The following UBTD2 variants were observed in gnomAD, a reference collection of about 807,000 sequenced individuals.
UBTD2 encodes the protein ubiquitin domain-containing protein 2.
Under a neutral mutation model 19.8 loss-of-function variants are expected in UBTD2, and 9 were observed. The observed-to-expected ratio is 0.46, with a 90% confidence interval of 0.27 to 0.79. UBTD2 has a LOEUF of 0.79. UBTD2 is among the 30% of genes least tolerant of loss of function. The probability of loss-of-function intolerance (pLI) is 0.14; values close to 1 mark genes in which losing one functional copy is unlikely to be tolerated. For synonymous variants in UBTD2, 98 were observed against 103.9 expected, an observed-to-expected ratio of 0.94 and a Z score of 0.35; for missense variants, 250 against 300.4, an observed-to-expected ratio of 0.83 and a Z score of 1.24.
At chr5:172,258,520 T>TA (rs1473571112) in intron 1 of UBTD2, among the ~76,000 whole-genome samples, 1 of 152,200 alleles carries the variant, frequency 6.6e-6, no homozygotes, top group Non-Finnish European at 1.5e-5. Flanking sequence ...TGAAAAATGT[T>TA]ATAGTTTGAC....
intron 1 of UBTD2, among the ~76,000 whole-genome samples, chr5:172,279,462 T>C (rs1443067442): frequency 6.6e-6 from 1 of 152,204 alleles, no homozygotes; most frequent in Non-Finnish European, 1.5e-5. Flanking sequence ...AACTCCATGA[T>C]GTTCTCAAGA....
chr5:172,267,039 T>TAAAAAAAA (rs34544452), intron 1 of UBTD2, among the ~76,000 whole-genome samples: 6 of 119,332 alleles, frequency 5.0e-5, no homozygotes, highest in African/African-American at 1.3e-4. Flanking sequence ...AGCCTCTCTT[T>TAAAAAAAA]AAAAAAAAAA....
At chr5:172,257,157 G>A (rs1755170790) in intron 1 of UBTD2, among the ~76,000 whole-genome samples, 1 of 152,114 alleles carries the variant, frequency 6.6e-6, no homozygotes, top group East Asian at 1.9e-4. Context: ...TGCCCTCAAG[G>A]AGGTCCCAGT....
At chr5:172,229,368 G>A (rs1771843184) in intron 2 of UBTD2, among the ~76,000 whole-genome samples, 2 of 151,954 alleles carry the variant, frequency 1.3e-5, no homozygotes. Context: ...AGGCATGGTG[G>A]CGGGCACCTG....
In UBTD2 at chr5:172,224,298, C is replaced by CTTTTTT. The variant is rs35105814; in HGVS notation, c.307+9818_307+9823dup. ...TCATGAGATCTGATGTTTTTCATTT[C>CTTTTTT]TTTTTTTTTTTTTTTTTTTGAGACA... is the stretch of plus-strand genomic sequence containing the variant. On this transcript the variant is annotated intron_variant, in intron 2 of 2. Coordinates refer to ENST00000393792, the MANE Select transcript of UBTD2 (RefSeq NM_152277.3). 2.5e-4 allele frequency among the ~76,000 whole-genome samples: 31 copies of CTTTTTT among 121,614 alleles called. 1 individual carries two copies. Among genetic ancestry groups the CTTTTTT allele is most frequent in the African/African-American group, 3.1e-4 (10 of 32,254 alleles). 79.8% of individuals were successfully genotyped at this position (121,614 alleles called of 152,430 possible).
chr5:172,250,026 C>T (rs1322852832), intron 1 of UBTD2, among the ~76,000 whole-genome samples: 3 of 152,070 alleles, frequency 2.0e-5, no homozygotes, highest in Admixed American at 6.5e-5. Flanking sequence ...AGTTCGAGAC[C>T]AGCCTGGCAA....
At chr5:172,219,690 A>G (rs1483232435) in intron 2 of UBTD2, among the ~76,000 whole-genome samples, 2 of 152,228 alleles carry the variant, frequency 1.3e-5, no homozygotes. Flanking sequence ...TGCTGTTGCT[A>G]AGATCTAAGA....
At chr5:172,245,185 T>C (rs764629964) in intron 1 of UBTD2, among the ~76,000 whole-genome samples, 1 of 152,218 alleles carries the variant, frequency 6.6e-6, no homozygotes, top group Non-Finnish European at 1.5e-5. Context: ...CACTTTATTA[T>C]TGCCACTTTA....
intron 1 of UBTD2, among the ~76,000 whole-genome samples, chr5:172,267,600 A>T (rs1755402455): frequency 6.6e-6 from 1 of 152,228 alleles, no homozygotes; most frequent in African/African-American, 2.4e-5. Context: ...GCTTGACATG[A>T]CGTGTTTAAC....
intron 1 of UBTD2, among the ~76,000 whole-genome samples, chr5:172,248,051 A>G (rs1180048971): frequency 1.3e-5 from 2 of 152,206 alleles, no homozygotes; most frequent in Non-Finnish European, 2.9e-5. Context: ...AAAAACTAAT[A>G]CACTCATACA....
At chr5:172,270,133 G>A (rs1020047415) in intron 1 of UBTD2, among the ~76,000 whole-genome samples, 7 of 151,250 alleles carry the variant, frequency 4.6e-5, no homozygotes, top group Admixed American at 2.6e-4. Flanking sequence ...AGGCTGGAGT[G>A]CAGTGGCACA....
In UBTD2 at chr5:172,212,375, C is replaced by T. The variant is rs1362797850; in HGVS notation, c.308-148G>A. ...AGCTGATCATCAATGATTATCAAAT[C>T]CCATGCCCAATTATTTGAGTATTTA... On this transcript the variant is annotated intron_variant, in intron 2 of 2. Coordinates refer to ENST00000393792, the MANE Select transcript of UBTD2 (RefSeq NM_152277.3). 7 of 852,822 alleles carry T rather than the reference C, an allele frequency of 8.2e-6. No homozygotes were observed. In the South Asian group the frequency reaches 1.5e-4, roughly 19 times the overall value. The allele number at this position is 852,822 out of a possible 1,614,324, so 52.8% of individuals were successfully genotyped here. A position where few individuals can be genotyped will look rare whatever the true frequency, so the allele number is the denominator to read the frequency against.
intron 1 of UBTD2, chr5:172,255,151 A>T (rs1755111956): frequency 4.3e-6 from 2 of 464,952 alleles, no homozygotes; most frequent in Non-Finnish European, 4.2e-6. Context: ...AGGCATGCTC[A>T]ACCCAGGCGA....
chr5:172,280,373 G>A (rs1471764113), intron 1 of UBTD2, among the ~76,000 whole-genome samples: 1 of 152,038 alleles, frequency 6.6e-6, no homozygotes, highest in Non-Finnish European at 1.5e-5. Flanking sequence ...AGCTGGGCAT[G>A]GTGGTGGGCA....
rs1491468464 is a variant in UBTD2, at chr5:172,209,670, T to TTA, written c.*2159_*2160insTA. The TTA allele has an allele frequency of 4.6e-5, 6 of 131,864 alleles. No homozygotes were observed. Among genetic ancestry groups the TTA allele is most frequent in the African/African-American group, 1.7e-4 (6 of 36,218 alleles). The allele number at this position is 131,864 out of a possible 1,614,324, so 8.2% of individuals were successfully genotyped here. A position where few individuals can be genotyped will look rare whatever the true frequency, so the allele number is the denominator to read the frequency against. On this transcript the variant is annotated 3_prime_UTR_variant, in exon 3 of 3. Transcript: ENST00000393792. ...AAAAATTGAACCTTTTTTTTTTTTTTAAAAAAAGCACATAAACCCTACATA... is the reference window on the plus strand; with the variant it reads ...AAAAATTGAACCTTTTTTTTTTTTTTTAAAAAAAAGCACATAAACCCTACATA...
chr5:172,234,101 C>G (rs1259325226), intron 2 of UBTD2, 21 bp downstream of exon 2: 1 of 1,610,318 alleles, frequency 6.2e-7, no homozygotes, highest in Admixed American at 1.7e-5. Flanking sequence ...TTCCTCTGTC[C>G]TTGAGGAACA....
chr5:172,282,958 G>A (rs749189305), intron 1 of UBTD2, among the ~76,000 whole-genome samples: 1 of 152,046 alleles, frequency 6.6e-6, no homozygotes, highest in African/African-American at 2.4e-5. Context: ...ACAGCACACC[G>A]GCCTAACACC....
At position 172,210,942 on chromosome 5, in the gene UBTD2, A is replaced by G. The variant is rs891801254; in HGVS notation, c.*888T>C. ...ATGCATTTGGGGGTTATACTTAGCT[A>G]TGAAAAGTTCCAAGCAGAATAGATA... On this transcript the variant is annotated 3_prime_UTR_variant, in exon 3 of 3. Coordinates refer to ENST00000393792, the MANE Select transcript of UBTD2 (RefSeq NM_152277.3). 6.6e-6 allele frequency: 1 copy of G among 152,134 alleles called. No individual in the cohort carries two copies. Among genetic ancestry groups the G allele is most frequent in the Admixed American group, 6.6e-5 (1 of 15,250 alleles). 9.4% of individuals were successfully genotyped at this position (152,134 alleles called of 1,614,324 possible). A position where few individuals can be genotyped will look rare whatever the true frequency, so the allele number is the denominator to read the frequency against.
intron 1 of UBTD2, among the ~76,000 whole-genome samples, chr5:172,241,052 CTT>C (rs35160270): frequency 5.8e-4 from 86 of 147,304 alleles, no homozygotes; most frequent in Admixed American, 1.2e-3. Flanking sequence ...CATGAGTTAA[CTT>C]TTTTTTTTTT....
Sources: allele counts gnomAD v4.1 joint callset (sites outside exome capture counted in the v4.1 genomes callset), GRCh38; gene constraint gnomAD v4.1.1; transcripts MANE v1.5; gene names NCBI Gene and HGNC (gene_info 2026-07-23, HGNC 2026-07-21).